The following ANKRD12 variants were observed in gnomAD, a reference collection of about 807,000 sequenced individuals.
ANKRD12 encodes ankyrin repeat domain 12.
Under a neutral mutation model 183.4 loss-of-function variants are expected in ANKRD12, and 85 were observed. That is an observed-to-expected ratio of 0.46 (90% confidence interval 0.39 to 0.56). The LOEUF (loss-of-function observed/expected upper bound fraction) is 0.56. ANKRD12 is among the 20% of genes least tolerant of loss of function. The pLI is 0.00. For missense variants in ANKRD12, 2,405 were observed against 2,357.1 expected, an observed-to-expected ratio of 1.02 and a Z score of -0.42; for synonymous variants, 914 against 800.2, an observed-to-expected ratio of 1.14 and a Z score of -2.40.
rs1182210318 is a variant in ANKRD12 at position 9,255,765 on chromosome 18, T to C, written c.2498T>C (p.Ile833Thr). 6.3e-7 allele frequency: 1 copy of C among 1,578,516 alleles called. No individual in the cohort carries two copies. The highest frequency in any genetic ancestry group is 8.5e-7 in the Non-Finnish European group (1 of 1,170,512). The change falls in exon 9 of 13, where the codon ATT becomes ACT. Residue 833 changes from isoleucine (I) to threonine (T), a missense_variant. Ile to Thr is a moderately conservative substitution (Grantham distance 89). Coordinates refer to ENST00000262126, the MANE Select transcript of ANKRD12 (RefSeq NM_015208.5). The stretch of plus-strand genomic sequence containing the variant: ...CGATCTCAAATTAAAGAAAAGGACA[T>C]TGAGAAGATGGAAAGAAAAACCTTT... ...EKRSQIKEKD[I>T]EKMERKTFEK... is the part of the protein sequence containing the mutation.
intron 8 of ANKRD12, among the ~76,000 whole-genome samples, chr18:9,241,891 G>GT (rs200351682): frequency 0.11 from 14,623 of 138,230 alleles, 729 homozygotes; most frequent in African/African-American, 0.13. Flanking sequence ...ATTCCAGGTA[G>GT]TTTTTTTTTT....
intron 8 of ANKRD12, chr18:9,250,083 TAATA>T (rs2038199429): frequency 6.6e-6 from 1 of 152,216 alleles, no homozygotes; most frequent in Admixed American, 6.5e-5. Flanking sequence ...GCTCAGCTAA[TAATA>T]GGGCTTAATA....
At chr18:9,266,457 A>G (rs968741302) in intron 10 of ANKRD12, among the ~76,000 whole-genome samples, 2 of 152,238 alleles carry the variant, frequency 1.3e-5, no homozygotes, top group African/African-American at 4.8e-5. Flanking sequence ...GTGGGGACCA[A>G]TATTCAACAT....
intron 11 of ANKRD12, among the ~76,000 whole-genome samples, chr18:9,276,545 C>G (rs1040175108): frequency 6.6e-6 from 1 of 151,938 alleles, no homozygotes; most frequent in Non-Finnish European, 1.5e-5. Context: ...GAAACCCCGT[C>G]TTTACAAAAA....
In ANKRD12 at chr18:9,257,672, C is replaced by T. The variant is rs549043461; in HGVS notation, c.4405C>T (p.Arg1469Cys). The change falls in exon 9 of 13, where the codon CGC becomes TGC. Residue 1469 changes from arginine to cysteine, a missense_variant. Around this residue, in one of 7 missense-constraint regions of ANKRD12, gnomAD observed 1,983 missense variants for 1,725.9 expected, o/e 1.15. Coordinates refer to ENST00000262126, the MANE Select transcript of ANKRD12 (RefSeq NM_015208.5). ...LKENADFLSL[R>C]QTELPGNSCA... ...AGAAAATGCTGATTTTTTATCCCTG[C>T]GCCAGACTGAACTGCCAGGAAACTC... is the stretch of plus-strand genomic sequence containing the variant. The T allele has an allele frequency of 6.8e-6, 11 of 1,613,974 alleles. No homozygotes were observed. The highest frequency in any genetic ancestry group is 2.2e-5 in the South Asian group (2 of 91,072).
chr18:9,197,843 G>T (rs1261584031), intron 3 of ANKRD12, among the ~76,000 whole-genome samples: 1 of 152,142 alleles, frequency 6.6e-6, no homozygotes, highest in African/African-American at 2.4e-5. Flanking sequence ...TGTGTAAGTG[G>T]ATCTGTGCAG....
chr18:9,265,798 A>C (rs535991302), intron 10 of ANKRD12, among the ~76,000 whole-genome samples: 9 of 152,360 alleles, frequency 5.9e-5, no homozygotes, highest in African/African-American at 1.9e-4. Flanking sequence ...TAAGAGAAGA[A>C]GGCTTCAGAT....
At chr18:9,139,034 CAT>C (rs1352399273) in intron 1 of ANKRD12, among the ~76,000 whole-genome samples, 1 of 152,122 alleles carries the variant, frequency 6.6e-6, no homozygotes, top group Non-Finnish European at 1.5e-5. Context: ...TTCATAATCT[CAT>C]AATTTTCATA....
intron 8 of ANKRD12, among the ~76,000 whole-genome samples, chr18:9,228,923 T>A (rs961126028): frequency 6.8e-6 from 1 of 146,190 alleles, no homozygotes; most frequent in Non-Finnish European, 1.5e-5. Context: ...TTTTTTTTTT[T>A]ACTAGTTTTA....
At position 9,257,844 on chromosome 18, in the gene ANKRD12, A is replaced by T; in HGVS notation, c.4577A>T (p.Asn1526Ile). ...NQEPGILQQK[N>I]AVQIISSALD... ...GAGCCAGGTATTTTACAACAAAAAA[A>T]TGCAGTTCAGATTATTAGTTCTGCT... is the stretch of plus-strand genomic sequence containing the variant. The change falls in exon 9 of 13, where the codon AAT (asparagine) becomes ATT (isoleucine). Residue 1526 changes from asparagine to isoleucine, a missense_variant. Physicochemically the swap from Asn to Ile is moderately radical, Grantham distance 149. Transcript: ENST00000262126. 1.9e-6 allele frequency: 3 copies of T among 1,613,748 alleles called. No homozygotes were observed. Among genetic ancestry groups the T allele is most frequent in the Non-Finnish European group, 2.5e-6 (3 of 1,179,912 alleles).
intron 8 of ANKRD12, among the ~76,000 whole-genome samples, chr18:9,248,611 C>T (rs940183439): frequency 2.6e-5 from 4 of 152,116 alleles, no homozygotes; most frequent in East Asian, 1.9e-4. Flanking sequence ...TCATAAAGTA[C>T]ATATATAAAT....
chr18:9,226,526 A>G (rs2036723642), intron 8 of ANKRD12, among the ~76,000 whole-genome samples: 1 of 152,172 alleles, frequency 6.6e-6, no homozygotes, highest in Non-Finnish European at 1.5e-5. Context: ...ACCCATCATG[A>G]TAAACATGAT....
At position 9,208,797 on chromosome 18, in the gene ANKRD12, A is replaced by G; in HGVS notation, c.445A>G (p.Ser149Gly). The G allele has an allele frequency of 6.3e-7, 1 of 1,583,890 alleles. No individual in the cohort carries two copies. Among genetic ancestry groups the G allele is most frequent in the Non-Finnish European group, 8.6e-7 (1 of 1,165,754 alleles). Residue 149 changes from serine (S) to glycine (G), a missense_variant, in exon 5 of 13, where the codon AGT becomes GGT. Physicochemically the swap from Ser to Gly is moderately conservative, Grantham distance 56. Around this residue, in one of 7 missense-constraint regions of ANKRD12, gnomAD observed 35 missense variants for 37.5 expected, o/e 0.93. Coordinates refer to ENST00000262126, the MANE Select transcript of ANKRD12 (RefSeq NM_015208.5). ...TATGCAGATGACAGCAAGAGACAACAGTCCAGGTGATACCTACCATCATTG... is the reference window on the plus strand; with the variant it reads ...TATGCAGATGACAGCAAGAGACAACGGTCCAGGTGATACCTACCATCATTG... ...LLMQMTARDN[S>G]PDSTPNHPSQ...
At chr18:9,203,540 AT>A (rs2035300397) in intron 3 of ANKRD12, among the ~76,000 whole-genome samples, 1 of 152,018 alleles carries the variant, frequency 6.6e-6, no homozygotes, top group Non-Finnish European at 1.5e-5. Context: ...CCATATTCAT[AT>A]TTCTCTGTCA....
At position 9,282,427 on chromosome 18, in the gene ANKRD12, A is replaced by G. The variant is rs1489186402; in HGVS notation, c.*1301A>G. 2 of 152,580 alleles carry G rather than the reference A, an allele frequency of 1.3e-5. No individual in the cohort carries two copies. Among genetic ancestry groups the G allele is most frequent in the Non-Finnish European group, 2.9e-5 (2 of 67,988 alleles). 9.5% of individuals were successfully genotyped at this position (152,580 alleles called of 1,614,324 possible). A position where few individuals can be genotyped will look rare whatever the true frequency, so the allele number is the denominator to read the frequency against. ...ATTTGCAAAATTTTATAATTGAAAT[A>G]AAACTTGGTATGCTGTTTTATAATA... On this transcript the variant is annotated 3_prime_UTR_variant, in exon 13 of 13. Coordinates refer to ENST00000262126, the MANE Select transcript of ANKRD12 (RefSeq NM_015208.5).
chr18:9,257,020 A>C lies in ANKRD12; in HGVS notation c.3753A>C (p.Ser1251=). ...QMSFSQSPFL[S]IAKSPALHER... is the part of the protein sequence containing the mutation. Reference sequence around the variant, plus strand: ...CCTTTTCCCAGTCACCTTTTTTGTCAATTGCCAAATCTCCTGCTCTTCATG... The same window carrying C: ...CCTTTTCCCAGTCACCTTTTTTGTCCATTGCCAAATCTCCTGCTCTTCATG... The change falls in exon 9 of 13, where the codon TCA becomes TCC. Residue 1251 remains serine (S), a synonymous_variant. Coordinates refer to ENST00000262126, the MANE Select transcript of ANKRD12 (RefSeq NM_015208.5). 1 of 1,614,080 alleles carries C rather than the reference A, an allele frequency of 6.2e-7. No individual in the cohort carries two copies. The highest frequency in any genetic ancestry group is 8.5e-7 in the Non-Finnish European group (1 of 1,179,984).
chr18:9,234,091 C>T (rs376596541), intron 8 of ANKRD12, among the ~76,000 whole-genome samples: 1 of 152,116 alleles, frequency 6.6e-6, no homozygotes, highest in African/African-American at 2.4e-5. Context: ...GGCTTTCTCA[C>T]TCTCTTCAGC....
At chr18:9,239,240 A>T (rs554355537) in intron 8 of ANKRD12, among the ~76,000 whole-genome samples, 1 of 152,336 alleles carries the variant, frequency 6.6e-6, no homozygotes, top group Non-Finnish European at 1.5e-5. Context: ...AATCTCAAAA[A>T]TCGCTACTAA....
At chr18:9,250,885 T>C (rs1442201636) in intron 8 of ANKRD12, among the ~76,000 whole-genome samples, 2 of 152,126 alleles carry the variant, frequency 1.3e-5, no homozygotes, top group Non-Finnish European at 2.9e-5. Flanking sequence ...GAGGAAGCAG[T>C]TGTGGAAGGA....
Sources: allele counts gnomAD v4.1 joint callset (sites outside exome capture counted in the v4.1 genomes callset), GRCh38; gene constraint gnomAD v4.1.1; regional missense constraint gnomAD v4.1.1; transcripts MANE v1.5; gene names NCBI Gene and HGNC (gene_info 2026-07-23, HGNC 2026-07-21).